EML1: variants seen among roughly 807,000 people sequenced by gnomAD.
The protein encoded by EML1 is EMAP like 1.
In EML1, 27 loss-of-function variants were observed where a neutral mutation model predicts 110.4. That is an observed-to-expected ratio of 0.24 (90% confidence interval 0.18 to 0.34). The LOEUF (loss-of-function observed/expected upper bound fraction) is 0.34, where lower values mean the gene tolerates loss of function less well. Among genes scored for constraint, EML1 ranks in the 10% least tolerant of loss-of-function variants. The probability of loss-of-function intolerance (pLI) is 1.00; values close to 1 mark genes in which losing one functional copy is unlikely to be tolerated. For missense variants in EML1, 741 were observed against 1,030.9 expected (o/e 0.72, Z 3.85); for synonymous variants, 344 against 385.8 (o/e 0.89, Z 1.27).
chr14:99,860,649 G>A (rs2058987779), intron 2 of EML1, among the ~76,000 whole-genome samples: 1 of 152,208 alleles, frequency 6.6e-6, no homozygotes, highest in Non-Finnish European at 1.5e-5. Flanking sequence ...AAGCGTGCTG[G>A]TGGTGGGGGT....
intron 1 of EML1, among the ~76,000 whole-genome samples, chr14:99,799,993 C>A (rs1161773756): frequency 3.9e-5 from 6 of 152,172 alleles, no homozygotes; most frequent in Admixed American, 2.6e-4. Context: ...CTTTCAGGAA[C>A]AACTATTCAT....
intron 1 of EML1, among the ~76,000 whole-genome samples, chr14:99,807,146 A>G (rs565153269): frequency 3.6e-4 from 55 of 152,188 alleles, no homozygotes; most frequent in Non-Finnish European, 6.9e-4. Context: ...GTGCAGACGA[A>G]TAATGAACTC....
At chr14:99,865,689 CTCTCT>C in intron 3 of EML1, 43 bp downstream of exon 3, 1 of 1,599,358 alleles carries the variant, frequency 6.3e-7, no homozygotes, top group Non-Finnish European at 8.5e-7. Flanking sequence ...CAAAGCAGTT[CTCTCT>C]TAGATTCCAA....
Position 99,911,509 on chromosome 14 carries a change from C to T in EML1, c.1427C>T (p.Ser476Leu), listed in dbSNP as rs773816965. The change falls in exon 13 of 22, where the codon TCG (serine) becomes TTG (leucine). Residue 476 changes from serine to leucine, a missense_variant. Around this residue, in one of 4 missense-constraint regions of EML1, gnomAD observed 388 missense variants for 605.6 expected, o/e 0.64. Coordinates refer to ENST00000262233, the MANE Select transcript of EML1 (RefSeq NM_004434.3). Reference sequence around the variant, plus strand: ...ATGTTAAGAGATGGCACACTGGTGTCGGGAGGTGGGAAAGACCGAAAGCTC... The same window carrying T: ...ATGTTAAGAGATGGCACACTGGTGTTGGGAGGTGGGAAAGACCGAAAGCTC... ...LCMLRDGTLV[S>L]GGGKDRKLIS... The T allele has an allele frequency of 2.5e-6, 4 of 1,612,484 alleles. No homozygotes were observed. Among genetic ancestry groups the T allele is most frequent in the Non-Finnish European group, 3.4e-6 (4 of 1,179,776 alleles).
intron 1 of EML1, among the ~76,000 whole-genome samples, chr14:99,803,428 C>T (rs2057918107): frequency 6.6e-6 from 1 of 152,184 alleles, no homozygotes; most frequent in African/African-American, 2.4e-5. Context: ...TTGAACTCTA[C>T]CCTTCAGCAA....
At chr14:99,898,466 G>T (rs947671022) in intron 8 of EML1, among the ~76,000 whole-genome samples, 164 bp downstream of exon 8, 2 of 152,042 alleles carry the variant, frequency 1.3e-5, no homozygotes, top group Non-Finnish European at 2.9e-5. Context: ...AAGACTTATT[G>T]TGTGGCAGGG....
intron 1 of EML1, among the ~76,000 whole-genome samples, chr14:99,783,464 C>A (rs1353178055): frequency 1.4e-5 from 2 of 145,676 alleles, no homozygotes; most frequent in African/African-American, 2.5e-5. Context: ...AACTAGAATA[C>A]TTTCCAGAGT....
rs928045423 is a variant in EML1 at position 99,747,085 on chromosome 14, G to A, written c.28+9225G>A. 3.3e-5 allele frequency among the ~76,000 whole-genome samples: 5 copies of A among 151,846 alleles called. 1 individual carries two copies. The South Asian group carries it at 1.0e-3, about 32-fold the overall frequency. ...CACCTGTAGTCCCAGCTACTCAGAA[G>A]GCTGAGGGAGGAGAATGGCGTGAAC... On this transcript the variant is annotated intron_variant, in intron 1 of 10. Coordinates refer to the EML1 transcript ENST00000554479.
rs1362999400 is a variant in EML1, at chr14:99,939,095, C to T, written c.2192-102C>T. On this transcript the variant is annotated intron_variant, in intron 20 of 21. Coordinates refer to ENST00000262233, the MANE Select transcript of EML1 (RefSeq NM_004434.3). This position sits in a 1 kb window ranked among gnomAD's most constrained non-coding sequence, Gnocchi z 4.2. ...GACCCTTGTTTCTAAAGCTGGACTT[C>T]AGGCAGTTTCATGTTCAGGACCGTT... 1.3e-6 allele frequency: 2 copies of T among 1,507,346 alleles called. No individual in the cohort carries two copies. The highest frequency in any genetic ancestry group is 2.3e-5 in the East Asian group (1 of 43,654). The allele number at this position is 1,507,346 out of a possible 1,614,324, so 93.4% of individuals were successfully genotyped here. A position where few individuals can be genotyped will look rare whatever the true frequency, so the allele number is the denominator to read the frequency against.
At chr14:99,888,717 AG>A (rs1169929618) in intron 4 of EML1, among the ~76,000 whole-genome samples, 1 of 151,998 alleles carries the variant, frequency 6.6e-6, no homozygotes, top group Non-Finnish European at 1.5e-5. Flanking sequence ...GAGGACAGAA[AG>A]TAGTATAATG....
intron 7 of EML1, 93 bp from the exon 8 acceptor site, chr14:99,898,140 T>G: frequency 1.9e-6 from 2 of 1,058,858 alleles, no homozygotes; most frequent in Non-Finnish European, 2.6e-6. Context: ...ATATATTTCT[T>G]ATATTTAAAT....
intron 7 of EML1, among the ~76,000 whole-genome samples, chr14:99,897,831 A>G (rs1412232740): frequency 6.6e-6 from 1 of 152,230 alleles, no homozygotes; most frequent in Non-Finnish European, 1.5e-5. Context: ...GGATGCGTGA[A>G]GAGATGGATT....
At chr14:99,814,260 CTTATT>C (rs2058130211) in intron 1 of EML1, among the ~76,000 whole-genome samples, 1 of 152,078 alleles carries the variant, frequency 6.6e-6, no homozygotes, top group African/African-American at 2.4e-5. Context: ...GTCAAAGGAA[CTTATT>C]TTATTTTTAT....
chr14:99,900,814 G>T, intron 8 of EML1, 115 bp from the exon 9 acceptor site: 1 of 836,226 alleles, frequency 1.2e-6, no homozygotes, highest in Non-Finnish European at 1.9e-6. Flanking sequence ...TGCAGAAAAA[G>T]ATCTTTTGTT....
At position 99,921,871 on chromosome 14, in the gene EML1, A is replaced by G. The variant is rs1057043468; in HGVS notation, c.1909+994A>G. On this transcript the variant is annotated intron_variant, in intron 17 of 21. Coordinates refer to ENST00000262233, the MANE Select transcript of EML1 (RefSeq NM_004434.3). ...AGTTTTTTAACCTTTTCATCATCCA[A>G]AAAGTTTCCTCCATGCCCATTAGCA... 2.0e-5 allele frequency among the ~76,000 whole-genome samples: 3 copies of G among 152,136 alleles called. No homozygotes were observed. The South Asian group carries it at 6.2e-4, about 32-fold the overall frequency.
At chr14:99,871,481 C>A (rs1334557903) in intron 3 of EML1, among the ~76,000 whole-genome samples, 1 of 151,556 alleles carries the variant, frequency 6.6e-6, no homozygotes, top group Non-Finnish European at 1.5e-5. Flanking sequence ...CTACTGCACT[C>A]CAGCCTGGTC....
chr14:99,895,067 T>G (rs991614324), intron 6 of EML1, among the ~76,000 whole-genome samples: 4 of 152,116 alleles, frequency 2.6e-5, no homozygotes, highest in Non-Finnish European at 5.9e-5. Context: ...AATATGAAGA[T>G]GTTATATGAT....
chr14:99,808,209 G>A (rs1431345963), intron 1 of EML1, among the ~76,000 whole-genome samples: 1 of 152,186 alleles, frequency 6.6e-6, no homozygotes, highest in African/African-American at 2.4e-5. Flanking sequence ...TTCCTTGAGG[G>A]CAGGGGCGCT....
rs1357501582 is a variant in EML1, at chr14:99,793,885, G to C, written c.67+342G>C. ...GAGGCCCGGGCAGCCTCCGCGTTCC[G>C]GGGAACGTGTTGCTTTTTTGCTTCC... On this transcript the variant is annotated intron_variant, in intron 1 of 21. Transcript: ENST00000262233. Among the ~76,000 whole-genome samples, 4 of 151,728 alleles carry C rather than the reference G, an allele frequency of 2.6e-5. 1 individual carries two copies. In the South Asian group the frequency reaches 8.3e-4, roughly 31 times the overall value.
Sources: gnomAD v4.1 joint callset for allele counts (sites outside exome capture counted in the v4.1 genomes callset) on GRCh38, gnomAD v4.1.1 for gene constraint, gnomAD v4.1.1 regional missense constraint, Gnocchi (gnomAD v3.1) non-coding constraint, MANE v1.5 for transcripts, NCBI Gene and HGNC (gene_info 2026-07-23, HGNC 2026-07-21) for gene names.